The following GRIK2 variants were observed in gnomAD, a reference collection of about 807,000 sequenced individuals.
GRIK2 encodes glutamate ionotropic receptor kainate type subunit 2.
A neutral mutation model predicts 100.3 loss-of-function variants in GRIK2; 32 were observed. The observed-to-expected ratio is 0.32, with a 90% CI of 0.24 to 0.43. The LOEUF is 0.43. Ranked by LOEUF, GRIK2 falls within the 20% of genes least tolerant of loss-of-function variation. GRIK2 has a pLI of 1.00. For missense variants in GRIK2, 843 were observed against 1,114.9 expected (o/e 0.76, Z 3.47); for synonymous variants, 417 against 389.4 (o/e 1.07, Z -0.83).
chr6:101,616,991 A>G (rs1779922059), intron 2 of GRIK2, among the ~76,000 whole-genome samples: 1 of 151,614 alleles, frequency 6.6e-6, no homozygotes, highest in Admixed American at 6.6e-5. Flanking sequence ...TGTAAAATGT[A>G]TTATATTTAA....
chr6:101,497,225 C>A (rs1192231518), intron 2 of GRIK2, among the ~76,000 whole-genome samples: 1 of 152,122 alleles, frequency 6.6e-6, no homozygotes, highest in Non-Finnish European at 1.5e-5. Flanking sequence ...GATTTTACCA[C>A]AGCATTGGAA....
At chr6:101,402,856 T>G (rs932763894) in intron 2 of GRIK2, among the ~76,000 whole-genome samples, 1 of 152,216 alleles carries the variant, frequency 6.6e-6, no homozygotes, top group Non-Finnish European at 1.5e-5. Context: ...TCGCCGCAGC[T>G]GCGTCCCGGC....
At chr6:102,066,771 A>C (rs1050362154) in intron 16 of GRIK2, among the ~76,000 whole-genome samples, 10 of 151,730 alleles carry the variant, frequency 6.6e-5, no homozygotes, top group African/African-American at 2.4e-4. Context: ...TTGTTTCCTA[A>C]AGGAGAAAAT....
chr6:101,704,877 TTCTC>T (rs1294401508), intron 7 of GRIK2, among the ~76,000 whole-genome samples: 1 of 150,510 alleles, frequency 6.6e-6, no homozygotes, highest in East Asian at 1.9e-4. Flanking sequence ...ACTATTAAGT[TTCTC>T]TCAACAGCCA....
At chr6:101,656,923 G>GACTA (rs1283389819) in intron 4 of GRIK2, among the ~76,000 whole-genome samples, 1 of 152,194 alleles carries the variant, frequency 6.6e-6, no homozygotes, top group Non-Finnish European at 1.5e-5. Context: ...TGGAGGCAAA[G>GACTA]ACTAAGTACT....
chr6:101,414,318 C>T (rs928957122), intron 2 of GRIK2, among the ~76,000 whole-genome samples: 1 of 152,174 alleles, frequency 6.6e-6, no homozygotes, highest in Non-Finnish European at 1.5e-5. Flanking sequence ...GCACCAGAAA[C>T]CCTCAACTAG....
At chr6:101,926,749 A>G (rs529998318) in intron 13 of GRIK2, among the ~76,000 whole-genome samples, 2 of 152,286 alleles carry the variant, frequency 1.3e-5, no homozygotes, top group Non-Finnish European at 2.9e-5. Context: ...ATAGTGCTGG[A>G]CATGACGTTA....
chr6:101,421,193 A>C (rs1354871330), intron 2 of GRIK2, among the ~76,000 whole-genome samples: 1 of 152,148 alleles, frequency 6.6e-6, no homozygotes, highest in Admixed American at 6.5e-5. Context: ...GGCCAAGTAG[A>C]TACTGATCTG....
rs750616399 is a variant in GRIK2, at chr6:101,916,433, A to G, written c.1749-8168A>G. Reference sequence around the variant, plus strand: ...ATATGTTAAAAAGTGATGAAGCAGGAAGTCTTCTATTCGAGTGAAAATTAA... The same window carrying G: ...ATATGTTAAAAAGTGATGAAGCAGGGAGTCTTCTATTCGAGTGAAAATTAA... On this transcript the variant is annotated intron_variant, in intron 12 of 16. Transcript: ENST00000369134. Among the ~76,000 whole-genome samples, 62 of 35,766 alleles carry G rather than the reference A, an allele frequency of 1.7e-3. No homozygotes were observed. The Admixed American group carries it at 0.019, about 11-fold the overall frequency. The allele number at this position is 35,766 out of a possible 152,430, so 23.5% of individuals were successfully genotyped here. A position where few individuals can be genotyped will look rare whatever the true frequency, so the allele number is the denominator to read the frequency against.
intron 7 of GRIK2, among the ~76,000 whole-genome samples, chr6:101,702,964 C>T (rs1315773379): frequency 6.6e-6 from 1 of 151,800 alleles, no homozygotes; most frequent in Non-Finnish European, 1.5e-5. Flanking sequence ...CCTTTTGATG[C>T]ATTATATTTG....
chr6:101,815,628 A>T (rs1431254221), intron 9 of GRIK2, among the ~76,000 whole-genome samples: 1 of 152,016 alleles, frequency 6.6e-6, no homozygotes, highest in Non-Finnish European at 1.5e-5. Flanking sequence ...GCTAAAAAAA[A>T]AAAAAAGTAT....
intron 7 of GRIK2, among the ~76,000 whole-genome samples, chr6:101,723,922 C>G (rs987089066): frequency 3.3e-5 from 5 of 151,592 alleles, no homozygotes; most frequent in Admixed American, 3.3e-4. Context: ...TTATCTTTTT[C>G]TTATTTTAGA....
chr6:101,640,204 T>A (rs1436887975), intron 4 of GRIK2, among the ~76,000 whole-genome samples: 1 of 152,214 alleles, frequency 6.6e-6, no homozygotes, highest in African/African-American at 2.4e-5. Flanking sequence ...TATGATTCAG[T>A]AACTCTAGAG....
intron 4 of GRIK2, among the ~76,000 whole-genome samples, chr6:101,664,650 A>G (rs1337415): frequency 0.63 from 95,967 of 152,078 alleles, 32,238 homozygotes; most frequent in Non-Finnish European, 0.76. Context: ...AGAAACAGAA[A>G]CAGCATATTG....
intron 2 of GRIK2, among the ~76,000 whole-genome samples, chr6:101,405,131 TAAC>T (rs951099145): frequency 2.6e-5 from 4 of 152,174 alleles, no homozygotes; most frequent in African/African-American, 9.7e-5. Flanking sequence ...AGAACGCCCT[TAAC>T]AAGTTTAATT....
chr6:101,956,447 A>T (rs527280037), intron 14 of GRIK2, among the ~76,000 whole-genome samples: 2 of 152,074 alleles, frequency 1.3e-5, no homozygotes, highest in Non-Finnish European at 2.9e-5. Flanking sequence ...TATATTGCGT[A>T]GTGGTGAAGT....
At chr6:101,977,141 T>G (rs762951396) in intron 14 of GRIK2, among the ~76,000 whole-genome samples, 115 of 151,660 alleles carry the variant, frequency 7.6e-4, no homozygotes, top group Non-Finnish European at 1.4e-3. Context: ...TGATGTGAAC[T>G]AAATAGGAGA....
At chr6:101,458,690 C>G (rs777606411) in intron 2 of GRIK2, among the ~76,000 whole-genome samples, 3 of 152,196 alleles carry the variant, frequency 2.0e-5, no homozygotes, top group Non-Finnish European at 4.4e-5. Flanking sequence ...GTATCTGGTA[C>G]TAGGACGGCA....
At chr6:101,489,516 T>C (rs987401752) in intron 2 of GRIK2, among the ~76,000 whole-genome samples, 3 of 146,448 alleles carry the variant, frequency 2.0e-5, no homozygotes, top group Non-Finnish European at 4.5e-5. Flanking sequence ...AGAAGCTGGA[T>C]CCATGAAAGT....
Sources: allele counts gnomAD v4.1 joint callset (sites outside exome capture counted in the v4.1 genomes callset), GRCh38; gene constraint gnomAD v4.1.1; transcripts MANE v1.5; gene names NCBI Gene and HGNC (gene_info 2026-07-23, HGNC 2026-07-21).